CAMK2D: variants seen among roughly 807,000 people sequenced by gnomAD.
CAMK2D encodes calcium/calmodulin dependent protein kinase II delta, also known as calcium/calmodulin-dependent protein kinase type II subunit delta.
Under a neutral mutation model 84.0 loss-of-function variants are expected in CAMK2D, and 37 were observed. The observed-to-expected ratio is 0.44, with a 90% CI of 0.34 to 0.58. CAMK2D has a LOEUF of 0.58. Ranked by LOEUF, CAMK2D falls within the 20% of genes least tolerant of loss-of-function variation. The probability of loss-of-function intolerance (pLI) is 0.02; values close to 1 mark genes in which losing one functional copy is unlikely to be tolerated. For missense variants in CAMK2D, 448 were observed against 652.5 expected (o/e 0.69, Z 3.41); for synonymous variants, 202 against 212.5 (o/e 0.95, Z 0.43).
intron 2 of CAMK2D, among the ~76,000 whole-genome samples, chr4:113,694,772 C>A (rs1467771307): frequency 6.6e-6 from 1 of 152,148 alleles, no homozygotes; most frequent in Non-Finnish European, 1.5e-5. Flanking sequence ...CCATACAACC[C>A]AAGGCACAAT....
intron 4 of CAMK2D, among the ~76,000 whole-genome samples, chr4:113,579,115 A>C (rs1183726969): frequency 6.6e-6 from 1 of 152,228 alleles, no homozygotes; most frequent in African/African-American, 2.4e-5. Flanking sequence ...ATATAACAAA[A>C]GGCCAGTTTA....
intron 8 of CAMK2D, among the ~76,000 whole-genome samples, chr4:113,521,038 A>C (rs1047201076): frequency 1.3e-5 from 2 of 152,150 alleles, no homozygotes; most frequent in African/African-American, 4.8e-5. Flanking sequence ...CAAACAAACA[A>C]AATGATGATA....
At chr4:113,551,559 T>TTGG (rs2098629621) in intron 5 of CAMK2D, among the ~76,000 whole-genome samples, 1 of 152,194 alleles carries the variant, frequency 6.6e-6, no homozygotes. Flanking sequence ...GTCTGGCCAA[T>TTGG]TGGTAGCTAC....
intron 4 of CAMK2D, among the ~76,000 whole-genome samples, chr4:113,573,469 C>G (rs2098764175): frequency 6.6e-6 from 1 of 152,224 alleles, no homozygotes; most frequent in Admixed American, 6.5e-5. Context: ...CGACTAAACT[C>G]AGCCCACATG....
chr4:113,563,200 G>A (rs554329378), intron 4 of CAMK2D, among the ~76,000 whole-genome samples: 1 of 152,234 alleles, frequency 6.6e-6, no homozygotes, highest in South Asian at 2.1e-4. Context: ...GTTGCAGTGA[G>A]CCGAGATCAC....
At chr4:113,554,527 C>G (rs1303227921) in intron 4 of CAMK2D, among the ~76,000 whole-genome samples, 4 of 152,114 alleles carry the variant, frequency 2.6e-5, no homozygotes, top group East Asian at 3.8e-4. Context: ...AACATTCTCT[C>G]TCCTAGTATT....
intron 18 of CAMK2D, among the ~76,000 whole-genome samples, chr4:113,458,109 T>C (rs896693753): frequency 6.6e-6 from 1 of 152,222 alleles, no homozygotes; most frequent in African/African-American, 2.4e-5. Context: ...AACTTGTTTC[T>C]CATCTCATTC....
intron 17 of CAMK2D, among the ~76,000 whole-genome samples, chr4:113,460,519 C>T (rs2154105016): frequency 6.6e-6 from 1 of 151,890 alleles, no homozygotes; most frequent in East Asian, 1.9e-4. Context: ...ATAATTTCTA[C>T]TTTTTTATTT....
intron 3 of CAMK2D, among the ~76,000 whole-genome samples, chr4:113,633,075 G>C (rs1592235840): frequency 6.6e-6 from 1 of 152,270 alleles, no homozygotes; most frequent in Middle Eastern, 3.4e-3. Flanking sequence ...AAATTCTACT[G>C]AAGAATATAT....
rs372950815 is a variant in CAMK2D at position 113,480,099 on chromosome 4, C to T, written c.1136-14495G>A. Among the ~76,000 whole-genome samples, 3 of 152,082 alleles carry T rather than the reference C, an allele frequency of 2.0e-5. No homozygotes were observed. The East Asian group carries it at 5.8e-4, about 30-fold the overall frequency. ...GCCTCAGCCTCCTGAGTAGCTGGGA[C>T]TACAGGTGCATGCCGCCACACCGGC... is the stretch of plus-strand genomic sequence containing the variant. On this transcript the variant is annotated intron_variant, in intron 16 of 20. Transcript: ENST00000511664.
chr4:113,549,614 A>G (rs1167872235), intron 5 of CAMK2D, among the ~76,000 whole-genome samples: 4 of 152,228 alleles, frequency 2.6e-5, no homozygotes, highest in Non-Finnish European at 5.9e-5. Context: ...ACATATAATA[A>G]TGCAGAACAC....
chr4:113,553,711 T>C (rs1295075716), intron 4 of CAMK2D, among the ~76,000 whole-genome samples: 2 of 152,338 alleles, frequency 1.3e-5, no homozygotes, highest in East Asian at 1.9e-4. Flanking sequence ...GATTATCATA[T>C]AAATCTTCAT....
intron 3 of CAMK2D, among the ~76,000 whole-genome samples, chr4:113,627,619 C>T (rs1036654502): frequency 1.3e-5 from 2 of 152,260 alleles, no homozygotes; most frequent in Non-Finnish European, 2.9e-5. Context: ...AGGCACATCA[C>T]AACCTTCTTG....
intron 2 of CAMK2D, among the ~76,000 whole-genome samples, chr4:113,732,486 T>A (rs1201925513): frequency 1.3e-5 from 2 of 152,170 alleles, no homozygotes; most frequent in Non-Finnish European, 2.9e-5. Flanking sequence ...GTTTCTAATA[T>A]TATTGGTTGA....
intron 8 of CAMK2D, among the ~76,000 whole-genome samples, chr4:113,517,921 C>T (rs970239511): frequency 6.6e-6 from 1 of 152,186 alleles, no homozygotes; most frequent in East Asian, 1.9e-4. Flanking sequence ...GGGCAACATT[C>T]ATTTAGGGCA....
At chr4:113,575,760 T>C (rs754130439) in intron 4 of CAMK2D, among the ~76,000 whole-genome samples, 7 of 152,022 alleles carry the variant, frequency 4.6e-5, no homozygotes, top group Non-Finnish European at 1.0e-4. Flanking sequence ...GCTTGGACAT[T>C]AGATTATAAA....
rs56145557 is a variant in CAMK2D, at chr4:113,754,610, C to G, written c.160+4710G>C. The G allele has an allele frequency of 5.8e-3, 5,703 of 982,336 alleles. 32 individuals are homozygous for G. Among genetic ancestry groups the G allele is most frequent in the South Asian group, 0.026 (552 of 21,224 alleles). 60.9% of individuals were successfully genotyped at this position (982,336 alleles called of 1,614,324 possible). On this transcript the variant is annotated intron_variant, in intron 2 of 20. Coordinates refer to ENST00000511664, the MANE Select transcript of CAMK2D (RefSeq NM_001321571.2). ...ATATCACAGTATGGCACCTGACAAC[C>G]ACTTTCTTTATTTTCTTCATTTAAT...
intron 2 of CAMK2D, 57 bp downstream of exon 2, chr4:113,759,263 C>T: frequency 9.5e-7 from 1 of 1,049,334 alleles, no homozygotes; most frequent in Non-Finnish European, 1.5e-6. Context: ...ACAACAGAAC[C>T]TATAATCAAC....
At chr4:113,698,488 G>A (rs1323484890) in intron 2 of CAMK2D, among the ~76,000 whole-genome samples, 2 of 151,838 alleles carry the variant, frequency 1.3e-5, no homozygotes, top group Non-Finnish European at 2.9e-5. Context: ...AGCAGTGTCT[G>A]GTCCATTGTA....
Sources: gnomAD v4.1 joint callset for allele counts (sites outside exome capture counted in the v4.1 genomes callset) on GRCh38, gnomAD v4.1.1 for gene constraint, MANE v1.5 for transcripts, NCBI Gene and HGNC (gene_info 2026-07-23, HGNC 2026-07-21) for gene names.